The following NFIC variants were observed in gnomAD, a reference collection of about 807,000 sequenced individuals.
The protein encoded by NFIC is nuclear factor I C.
Under a neutral mutation model 54.4 loss-of-function variants are expected in NFIC, and 12 were observed. The ratio of observed to expected loss-of-function variants is 0.22; its 90% confidence interval spans 0.14 to 0.36. NFIC has a LOEUF of 0.36. Ranked by LOEUF, NFIC falls within the 10% of genes least tolerant of loss-of-function variation. The pLI, the probability that NFIC is intolerant of heterozygous loss-of-function variation, is 1.00. For synonymous variants in NFIC, 322 were observed against 319.2 expected (o/e 1.01, Z -0.09); for missense variants, 575 against 718.2 (o/e 0.80, Z 2.28).
At chr19:3,396,404 G>A (rs1396572321) in intron 2 of NFIC, among the ~76,000 whole-genome samples, 1 of 151,312 alleles carries the variant, frequency 6.6e-6, no homozygotes, top group East Asian at 1.9e-4. Context: ...CCTGGGAGGC[G>A]GAGCTTGCAG....
chr19:3,389,246 G>C (rs1025546185), intron 2 of NFIC, among the ~76,000 whole-genome samples: 2 of 152,174 alleles, frequency 1.3e-5, no homozygotes, highest in African/African-American at 4.8e-5. Flanking sequence ...GATGGCAGGA[G>C]AAAGGGTCTC....
intron 1 of NFIC, among the ~76,000 whole-genome samples, chr19:3,373,887 C>T (rs577495118): frequency 6.6e-6 from 1 of 152,234 alleles, no homozygotes; most frequent in Admixed American, 6.5e-5. Context: ...CTCTGGGAGC[C>T]GTTCACATGT....
chr19:3,391,438 G>A (rs2081374946), intron 2 of NFIC, among the ~76,000 whole-genome samples: 1 of 151,890 alleles, frequency 6.6e-6, no homozygotes, highest in South Asian at 2.1e-4. Context: ...ATGACTTGAG[G>A]TCAAGAATTC....
chr19:3,420,563 A>ATAAATAAATAAAT (rs1228198243), intron 2 of NFIC, among the ~76,000 whole-genome samples: 1 of 151,182 alleles, frequency 6.6e-6, no homozygotes, highest in Non-Finnish European at 1.5e-5. Flanking sequence ...AAAAAAATAA[A>ATAAATAAATAAAT]TAAATAAATA....
intron 2 of NFIC, among the ~76,000 whole-genome samples, chr19:3,423,940 C>T (rs934454088): frequency 3.9e-5 from 6 of 152,202 alleles, no homozygotes; most frequent in African/African-American, 1.4e-4. Context: ...ATCTGTAAAA[C>T]GGACATAGTG....
At position 3,370,636 on chromosome 19, in the gene NFIC, C is replaced by CTT. The variant is rs922590998; in HGVS notation, c.30+3971_30+3972dup. 2.0e-5 allele frequency among the ~76,000 whole-genome samples: 3 copies of CTT among 150,602 alleles called. No individual in the cohort carries two copies. The highest frequency in any genetic ancestry group is 1.9e-4 in the East Asian group (1 of 5,146). On this transcript the variant is annotated intron_variant, in intron 1 of 10. Transcript: ENST00000443272. This position sits in a 1 kb window ranked among gnomAD's most constrained non-coding sequence, Gnocchi z 5.2. Reference sequence around the variant, plus strand: ...CCCTTCTCTCCCTCTCTCCTTCTCTCTTCTCTCTCTCTTTCTCCCTCCCTA... The same window carrying CTT: ...CCCTTCTCTCCCTCTCTCCTTCTCTCTTTTCTCTCTCTCTTTCTCCCTCCCTA...
At chr19:3,425,546 G>A (rs1010424669) in intron 3 of NFIC, among the ~76,000 whole-genome samples, 1 of 151,402 alleles carries the variant, frequency 6.6e-6, no homozygotes, top group Non-Finnish European at 1.5e-5. Context: ...TGCAAGCTCC[G>A]CTTCCCGGGT....
intron 2 of NFIC, among the ~76,000 whole-genome samples, chr19:3,390,741 T>C (rs2145501314): frequency 6.6e-6 from 1 of 152,094 alleles, no homozygotes. Flanking sequence ...CTTGAGGATG[T>C]CACACTCAGT....
chr19:3,458,462 G>A lies in NFIC; in HGVS notation c.1509+1827G>A, dbSNP rs1283765172. On this transcript the variant is annotated intron_variant, in intron 10 of 10. Transcript: ENST00000443272. The surrounding 1 kb of genome is among the most constrained non-coding windows in gnomAD (Gnocchi z 4.1). ...TGACCAGGCCCTCCCGCCAGGGCCC[G>A]GGACCCTTCTCTCAGACTGTGCTGG... is the stretch of plus-strand genomic sequence containing the variant. Among the ~76,000 whole-genome samples the A allele has an allele frequency of 3.9e-5, 6 of 152,128 alleles. No individual in the cohort carries two copies. The East Asian group carries it at 5.8e-4, about 15-fold the overall frequency.
At chr19:3,442,677 G>A (rs998792908) in intron 6 of NFIC, among the ~76,000 whole-genome samples, 5 of 151,958 alleles carry the variant, frequency 3.3e-5, no homozygotes, top group East Asian at 1.9e-4. Flanking sequence ...GTGAGCCACC[G>A]AGCCCAGCCC....
intron 3 of NFIC, among the ~76,000 whole-genome samples, chr19:3,431,172 C>T (rs1268497819): frequency 2.0e-5 from 3 of 151,102 alleles, no homozygotes; most frequent in African/African-American, 2.4e-5. Context: ...TACAGGTGCC[C>T]GCCACCATGC....
At chr19:3,445,094 C>T (rs1029145445) in intron 6 of NFIC, among the ~76,000 whole-genome samples, 9 of 152,142 alleles carry the variant, frequency 5.9e-5, no homozygotes, top group African/African-American at 1.9e-4. Context: ...TCCACATATG[C>T]TCACATGCGT....
rs1021923293 is a variant in NFIC at position 3,369,416 on chromosome 19, C to G, written c.30+2750C>G. 6.6e-6 allele frequency among the ~76,000 whole-genome samples: 1 copy of G among 151,498 alleles called. No individual in the cohort carries two copies. The highest frequency in any genetic ancestry group is 1.5e-5 in the Non-Finnish European group (1 of 67,506). Reference sequence around the variant, plus strand: ...TCTCTCTGTCTCTGGGCCTCCCTCTCCCCCTTTTCCCAGCTAATTTTACAA... The same window carrying G: ...TCTCTCTGTCTCTGGGCCTCCCTCTGCCCCTTTTCCCAGCTAATTTTACAA... On this transcript the variant is annotated intron_variant, in intron 1 of 10. Transcript: ENST00000443272. The surrounding 1 kb of genome is among the most constrained non-coding windows in gnomAD (Gnocchi z 4.3).
chr19:3,418,740 T>C (rs887863282), intron 2 of NFIC, among the ~76,000 whole-genome samples: 5 of 152,090 alleles, frequency 3.3e-5, no homozygotes, highest in Non-Finnish European at 7.4e-5. Context: ...TAGTCCCAGC[T>C]ACTCAGGAGG....
chr19:3,448,502 C>T lies in NFIC; in HGVS notation c.959-512C>T, dbSNP rs1325333755. On this transcript the variant is annotated intron_variant, in intron 6 of 10. Transcript: ENST00000443272. ...GCCCCTGTCTGCAGAGTGATGCCAG[C>T]AAGTCACTGCAGAGGGGGGATGCAC... 2.6e-5 allele frequency among the ~76,000 whole-genome samples: 4 copies of T among 152,284 alleles called. 1 individual carries two copies. The highest frequency in any genetic ancestry group is 2.6e-4 in the Admixed American group (4 of 15,290).
At chr19:3,371,916 CTT>C (rs1275783096) in intron 1 of NFIC, among the ~76,000 whole-genome samples, 19 of 130,146 alleles carry the variant, frequency 1.5e-4, no homozygotes, top group African/African-American at 5.3e-4. Context: ...TCCTTCCTTC[CTT>C]CCTTCCTTCC....
chr19:3,366,936 G>A (rs62128052), intron 1 of NFIC, among the ~76,000 whole-genome samples: 12,040 of 151,350 alleles, frequency 0.08, 560 homozygotes, highest in Non-Finnish European at 0.11. Context: ...TCCCGGATGT[G>A]GGGCTTGGTC....
Position 3,370,426 on chromosome 19 carries a change from GGCCAAGC to G in NFIC, c.30+3764_30+3770del, listed in dbSNP as rs2080980329. On this transcript the variant is annotated intron_variant, in intron 1 of 10. Coordinates refer to ENST00000443272, the MANE Select transcript of NFIC (RefSeq NM_001245002.2). This position sits in a 1 kb window ranked among gnomAD's most constrained non-coding sequence, Gnocchi z 5.2. ...CGGCGGAGGTGCCTCTGCGCGCCAG[GGCCAAGC>G]GCCCTGTAAATCACCAAAGCTGGGA... Among the ~76,000 whole-genome samples, 1 of 151,730 alleles carries G rather than the reference GGCCAAGC, an allele frequency of 6.6e-6. No individual in the cohort carries two copies. The highest frequency in any genetic ancestry group is 1.5e-5 in the Non-Finnish European group (1 of 67,934).
At chr19:3,379,568 G>A (rs1379253882) in intron 1 of NFIC, among the ~76,000 whole-genome samples, 3 of 151,132 alleles carry the variant, frequency 2.0e-5, no homozygotes, top group Non-Finnish European at 4.4e-5. Flanking sequence ...CTGGTGTCAA[G>A]CTCTTGACCT....
Sources: gnomAD v4.1 joint callset for allele counts (sites outside exome capture counted in the v4.1 genomes callset) on GRCh38, gnomAD v4.1.1 for gene constraint, Gnocchi (gnomAD v3.1) non-coding constraint, MANE v1.5 for transcripts, NCBI Gene and HGNC (gene_info 2026-07-23, HGNC 2026-07-21) for gene names.